RAPGEF4: variants seen among roughly 807,000 people sequenced by gnomAD.
RAPGEF4 encodes Rap guanine nucleotide exchange factor 4.
RAPGEF4 carries 66 observed loss-of-function variants against 147.9 expected under a neutral mutation model. The ratio of observed to expected loss-of-function variants is 0.45; its 90% CI spans 0.37 to 0.55. The LOEUF is 0.55. Among genes scored for constraint, RAPGEF4 ranks in the 20% least tolerant of loss-of-function variants. The probability of loss-of-function intolerance (pLI) is 0.00; values close to 1 mark genes in which losing one functional copy is unlikely to be tolerated. For synonymous variants in RAPGEF4, 419 were observed against 442.7 expected, an observed-to-expected ratio of 0.95 and a Z score of 0.67; for missense variants, 1,071 against 1,257.3, an observed-to-expected ratio of 0.85 and a Z score of 2.24.
intron 2 of RAPGEF4, 83 bp downstream of exon 2, chr2:172,795,250 G>A (rs1281831429): frequency 4.4e-6 from 6 of 1,370,416 alleles, no homozygotes; most frequent in Non-Finnish European, 5.1e-6. Flanking sequence ...AATAGCAAAT[G>A]GAGTATTTAT....
chr2:172,789,372 A>G (rs1574843099), intron 1 of RAPGEF4, among the ~76,000 whole-genome samples: 1 of 152,168 alleles, frequency 6.6e-6, no homozygotes, highest in Non-Finnish European at 1.5e-5. Context: ...AGGATTATAC[A>G]AGGTGTGGGT....
intron 4 of RAPGEF4, among the ~76,000 whole-genome samples, chr2:172,852,386 T>G (rs1692954717): frequency 6.6e-6 from 1 of 152,188 alleles, no homozygotes; most frequent in Non-Finnish European, 1.5e-5. Flanking sequence ...GTAACCCTTC[T>G]CAGATTTTAT....
At chr2:173,008,415 G>A (rs1231501086) in intron 17 of RAPGEF4, among the ~76,000 whole-genome samples, 1 of 152,112 alleles carries the variant, frequency 6.6e-6, no homozygotes, top group Non-Finnish European at 1.5e-5. Flanking sequence ...ATATGTTGCT[G>A]TTATTATTAT....
upstream of RAPGEF4, chr2:172,735,756 C>T: frequency 5.4e-6 from 1 of 184,496 alleles, no homozygotes; most frequent in Non-Finnish European, 1.1e-5. Flanking sequence ...GGCGGGCGGG[C>T]GACTCGGCCC....
Position 173,026,663 on chromosome 2 carries a change from T to C in RAPGEF4, c.2345T>C (p.Ile782Thr), listed in dbSNP as rs1038395820. The C allele has an allele frequency of 1.9e-5, 31 of 1,613,930 alleles. No individual in the cohort carries two copies. Among genetic ancestry groups the C allele is most frequent in the Non-Finnish European group, 2.5e-5 (30 of 1,179,968 alleles). Residue 782 changes from isoleucine (I) to threonine (T), a missense_variant, in exon 24 of 31, where the codon ATT (isoleucine) becomes ACT (threonine). Ile to Thr is a moderately conservative substitution (Grantham distance 89). Coordinates refer to ENST00000397081, the MANE Select transcript of RAPGEF4 (RefSeq NM_007023.4). ...SSKDLAYQMTIYDWELFNCVH... is the reference protein window; with the variant it reads ...SSKDLAYQMTTYDWELFNCVH... ...AAAGATTTAGCATACCAGATGACAATTTATGATTGGGAACTCTTCAACTGC... is the reference window on the plus strand; with the variant it reads ...AAAGATTTAGCATACCAGATGACAACTTATGATTGGGAACTCTTCAACTGC...
intron 6 of RAPGEF4, among the ~76,000 whole-genome samples, chr2:172,947,721 T>G (rs754634914): frequency 1.3e-5 from 2 of 152,196 alleles, no homozygotes; most frequent in Non-Finnish European, 2.9e-5. Flanking sequence ...GTATGACTCA[T>G]CTGTATAAGA....
intron 4 of RAPGEF4, among the ~76,000 whole-genome samples, chr2:172,890,936 C>T (rs1316492134): frequency 6.6e-6 from 1 of 152,138 alleles, no homozygotes; most frequent in Non-Finnish European, 1.5e-5. Context: ...TCGAGACCAG[C>T]CTGGCCAACA....
At chr2:172,863,585 G>A (rs914993941) in intron 4 of RAPGEF4, among the ~76,000 whole-genome samples, 1 of 152,218 alleles carries the variant, frequency 6.6e-6, no homozygotes, top group Admixed American at 6.5e-5. Context: ...GGAAATGGGA[G>A]CCAAAAGATG....
chr2:173,006,996 G>A (rs1366684576), intron 17 of RAPGEF4, among the ~76,000 whole-genome samples: 1 of 151,978 alleles, frequency 6.6e-6, no homozygotes, highest in South Asian at 2.1e-4. Context: ...TGCTTTTTGG[G>A]AAAAAAATGA....
At chr2:172,855,711 G>T (rs1366862590) in intron 4 of RAPGEF4, among the ~76,000 whole-genome samples, 1 of 152,088 alleles carries the variant, frequency 6.6e-6, no homozygotes, top group East Asian at 1.9e-4. Context: ...TAGAATTCTA[G>T]CTTGACAAAT....
intron 6 of RAPGEF4, among the ~76,000 whole-genome samples, chr2:172,929,060 A>C (rs1293059677): frequency 6.6e-6 from 1 of 152,206 alleles, no homozygotes; most frequent in Non-Finnish European, 1.5e-5. Context: ...ATCACCAGTT[A>C]CTTTGGGCTG....
intron 3 of RAPGEF4, among the ~76,000 whole-genome samples, chr2:172,812,661 G>C (rs539311791): frequency 1.3e-5 from 2 of 152,236 alleles, no homozygotes; most frequent in East Asian, 3.9e-4. Flanking sequence ...ATTATACTTC[G>C]CAAATAACCA....
chr2:172,887,569 C>T (rs938336491), intron 4 of RAPGEF4, among the ~76,000 whole-genome samples: 6 of 152,116 alleles, frequency 3.9e-5, no homozygotes, highest in South Asian at 2.1e-4. Context: ...ATTCATATAT[C>T]GTTTATGCTT....
intron 4 of RAPGEF4, among the ~76,000 whole-genome samples, chr2:172,904,216 T>C (rs777894540): frequency 2.6e-5 from 4 of 152,170 alleles, no homozygotes; most frequent in Non-Finnish European, 4.4e-5. Flanking sequence ...AGAATAATTA[T>C]AGTAATATTC....
intron 1 of RAPGEF4, among the ~76,000 whole-genome samples, chr2:172,794,138 G>A (rs1263217735): frequency 2.6e-5 from 4 of 151,994 alleles, no homozygotes; most frequent in African/African-American, 9.7e-5. Flanking sequence ...AGCACTTTGG[G>A]AGGCTGAGGT....
intron 12 of RAPGEF4, among the ~76,000 whole-genome samples, chr2:172,987,903 A>G (rs1438430986): frequency 1.3e-5 from 2 of 152,236 alleles, no homozygotes; most frequent in South Asian, 2.1e-4. Context: ...ATAAGTTTTA[A>G]TGAATTGTGG....
At chr2:172,815,672 G>T (rs778301301) in intron 4 of RAPGEF4, among the ~76,000 whole-genome samples, 3 of 152,106 alleles carry the variant, frequency 2.0e-5, no homozygotes, top group Non-Finnish European at 4.4e-5. Context: ...TGGAAAACTG[G>T]TTTTCAGAAC....
intron 4 of RAPGEF4, among the ~76,000 whole-genome samples, chr2:172,815,055 G>T (rs755350373): frequency 3.3e-5 from 5 of 152,186 alleles, no homozygotes; most frequent in Non-Finnish European, 4.4e-5. Flanking sequence ...CTTACATGCA[G>T]TCATGGCAAA....
At chr2:172,962,872 T>C (rs970983631) in intron 8 of RAPGEF4, among the ~76,000 whole-genome samples, 1 of 152,144 alleles carries the variant, frequency 6.6e-6, no homozygotes, top group African/African-American at 2.4e-5. Context: ...GTTGATTCCT[T>C]TTCTAGTCTG....
Sources: allele counts gnomAD v4.1 joint callset (sites outside exome capture counted in the v4.1 genomes callset), GRCh38; gene constraint gnomAD v4.1.1; transcripts MANE v1.5; gene names NCBI Gene and HGNC (gene_info 2026-07-23, HGNC 2026-07-21).